VPS26A: variants seen among roughly 807,000 people sequenced by gnomAD.
The protein encoded by VPS26A is vacuolar protein sorting-associated protein 26A.
A neutral mutation model predicts 42.4 loss-of-function variants in VPS26A; 22 were observed. That is an observed-to-expected ratio of 0.52 (90% CI 0.37 to 0.74). The LOEUF (loss-of-function observed/expected upper bound fraction) is 0.74. Ranked by LOEUF, VPS26A falls within the 30% of genes least tolerant of loss-of-function variation. VPS26A has a pLI of 0.00. For missense variants in VPS26A, 276 were observed against 379.2 expected (o/e 0.73, Z 2.26); for synonymous variants, 110 against 123.5 (o/e 0.89, Z 0.73).
chr10:69,124,237 AAG>A lies in VPS26A; in HGVS notation c.-38_-37del, dbSNP rs548608208. 168 of 1,283,440 alleles carry A rather than the reference AAG, an allele frequency of 1.3e-4. 1 individual carries two copies. The African/African-American group carries it at 2.3e-3, about 18-fold the overall frequency. 79.5% of individuals were successfully genotyped at this position (1,283,440 alleles called of 1,614,324 possible). On this transcript the variant is annotated 5_prime_UTR_variant, in exon 1 of 9. Coordinates refer to ENST00000263559, the MANE Select transcript of VPS26A (RefSeq NM_004896.5). ...CCGGGGCTGGGAGTTCTCCTGAGGG[AAG>A]AGGAGTGGAGTAGGGGGGACGCGGC...
intron 5 of VPS26A, among the ~76,000 whole-genome samples, chr10:69,158,575 G>C (rs1841483863): frequency 6.6e-6 from 1 of 151,222 alleles, no homozygotes; most frequent in African/African-American, 2.4e-5. Flanking sequence ...ATGTCTCCTT[G>C]TATATCATTT....
chr10:69,127,363 C>G (rs1840680542), intron 1 of VPS26A, among the ~76,000 whole-genome samples: 1 of 151,404 alleles, frequency 6.6e-6, no homozygotes, highest in Non-Finnish European at 1.5e-5. Flanking sequence ...AGCATCCTGG[C>G]TAACACGGTG....
intron 6 of VPS26A, among the ~76,000 whole-genome samples, chr10:69,163,138 A>G (rs1480524720): frequency 6.6e-6 from 1 of 152,118 alleles, no homozygotes; most frequent in Non-Finnish European, 1.5e-5. Flanking sequence ...CATTTTATTG[A>G]TATACTAAAA....
At chr10:69,127,342 A>G (rs1840679979) in intron 1 of VPS26A, among the ~76,000 whole-genome samples, 1 of 151,262 alleles carries the variant, frequency 6.6e-6, no homozygotes, top group Non-Finnish European at 1.5e-5. Flanking sequence ...TCACGAGGTC[A>G]GGAGATCAAG....
chr10:69,157,141 A>T lies in VPS26A; in HGVS notation c.364A>T (p.Ile122Phe), dbSNP rs139473850. Residue 122 changes from isoleucine to phenylalanine, a missense_variant, in exon 4 of 9, where the codon ATC (isoleucine) becomes TTC (phenylalanine). Ile to Phe is a conservative substitution (Grantham distance 21, BLOSUM62 0). Transcript: ENST00000263559. Reference sequence around the variant, plus strand: ...AGTTGAAAAGCCATATGAATCTTACATCGGTGCCAATGTCCGCTTGAGGTA... The same window carrying T: ...AGTTGAAAAGCCATATGAATCTTACTTCGGTGCCAATGTCCGCTTGAGGTA... ...MQVEKPYESY[I>F]GANVRLRYFL... 1.9e-4 allele frequency: 305 copies of T among 1,612,850 alleles called. No homozygotes were observed. Among genetic ancestry groups the T allele is most frequent in the South Asian group, 5.4e-4 (49 of 90,986 alleles).
Position 69,133,052 on chromosome 10 carries a change from A to C in VPS26A, c.153+5A>C, listed in dbSNP as rs1416336958. On this transcript the variant is annotated splice_donor_5th_base_variant and intron_variant, in intron 2 of 8. Transcript: ENST00000263559. ...GGAGAATCCGTTTCAGGAAAGGTAA[A>C]TCTTCTGTTTGACAAAACTATCTAA... The C allele has an allele frequency of 6.2e-7, 1 of 1,605,764 alleles. No homozygotes were observed. The highest frequency in any genetic ancestry group is 1.1e-5 in the South Asian group (1 of 88,724).
At chr10:69,150,425 G>A (rs889716640) in intron 2 of VPS26A, among the ~76,000 whole-genome samples, 1 of 145,558 alleles carries the variant, frequency 6.9e-6, no homozygotes, top group Non-Finnish European at 1.5e-5. Context: ...TCTTTTTTGA[G>A]ATGGAGTGTC....
chr10:69,168,641 C>T lies in VPS26A; in HGVS notation c.870+10C>T, dbSNP rs1482517041. 2 of 1,612,020 alleles carry T rather than the reference C, an allele frequency of 1.2e-6. No individual in the cohort carries two copies. The highest frequency in any genetic ancestry group is 1.7e-6 in the Non-Finnish European group (2 of 1,179,128). On this transcript the variant is annotated intron_variant, in intron 8 of 8. Transcript: ENST00000263559. ...GTACTTCAAACAGCAGGTATGGTGC[C>T]ACTTGGGCTGGTATTATGTTCTGCG...
At chr10:69,142,219 T>C (rs1841060263) in intron 2 of VPS26A, among the ~76,000 whole-genome samples, 1 of 128,302 alleles carries the variant, frequency 7.8e-6, no homozygotes. Context: ...GGGGTCTCAC[T>C]GTGTTGCCCA....
intron 2 of VPS26A, among the ~76,000 whole-genome samples, chr10:69,138,149 A>G (rs889126480): frequency 6.6e-6 from 1 of 152,140 alleles, no homozygotes; most frequent in Non-Finnish European, 1.5e-5. Context: ...TCTTTCACTT[A>G]GTATAATGTA....
intron 7 of VPS26A, 131 bp downstream of exon 7, chr10:69,166,241 T>A (rs990767881): frequency 2.9e-4 from 237 of 809,836 alleles, no homozygotes; most frequent in Non-Finnish European, 4.2e-4. Flanking sequence ...GCTTTTAAGG[T>A]CATCTTTGTA....
At chr10:69,140,672 A>G (rs1841021163) in intron 2 of VPS26A, among the ~76,000 whole-genome samples, 2 of 152,200 alleles carry the variant, frequency 1.3e-5, no homozygotes, top group African/African-American at 4.8e-5. Context: ...GGTGTGAACC[A>G]CTGTGCCTGG....
At chr10:69,145,326 C>T (rs1028379741) in intron 2 of VPS26A, among the ~76,000 whole-genome samples, 4 of 152,180 alleles carry the variant, frequency 2.6e-5, no homozygotes, top group African/African-American at 9.7e-5. Flanking sequence ...TGAGCCACCA[C>T]ACCCGGCCTA....
At chr10:69,128,230 ATTTT>A (rs34855332) in intron 1 of VPS26A, among the ~76,000 whole-genome samples, 6 of 122,034 alleles carry the variant, frequency 4.9e-5, no homozygotes, top group African/African-American at 3.0e-5. Flanking sequence ...TTGGGATTTG[ATTTT>A]TTTTTTTTTT....
chr10:69,145,079 A>T (rs986330689), intron 2 of VPS26A, among the ~76,000 whole-genome samples: 1 of 152,098 alleles, frequency 6.6e-6, no homozygotes, highest in Non-Finnish European at 1.5e-5. Flanking sequence ...CTTGTTGCCC[A>T]GGCTGGAGTG....
chr10:69,150,973 C>T (rs1301573357), intron 2 of VPS26A, among the ~76,000 whole-genome samples: 1 of 151,772 alleles, frequency 6.6e-6, no homozygotes, highest in African/African-American at 2.4e-5. Context: ...GGTATTAAGA[C>T]TCTTGACATA....
At position 69,151,447 on chromosome 10, in the gene VPS26A, G is replaced by A. The variant is rs1331558333; in HGVS notation, c.154-4365G>A. Among the ~76,000 whole-genome samples the A allele has an allele frequency of 3.5e-3, 256 of 73,280 alleles. 1 individual carries two copies. The highest frequency in any genetic ancestry group is 0.017 in the African/African-American group (251 of 15,012). The allele number at this position is 73,280 out of a possible 152,430, so 48.1% of individuals were successfully genotyped here. A position where few individuals can be genotyped will look rare whatever the true frequency, so the allele number is the denominator to read the frequency against. Reference sequence around the variant, plus strand: ...AGCCTGGGCTACAGGGCGAGACTCCGTCTCAAAAAAAAAAAAAAAAAAAAA... The same window carrying A: ...AGCCTGGGCTACAGGGCGAGACTCCATCTCAAAAAAAAAAAAAAAAAAAAA... On this transcript the variant is annotated intron_variant, in intron 2 of 8. Transcript: ENST00000263559.
chr10:69,159,751 C>T (rs1356903194), intron 5 of VPS26A, among the ~76,000 whole-genome samples: 4 of 152,152 alleles, frequency 2.6e-5, no homozygotes, highest in African/African-American at 9.7e-5. Flanking sequence ...TCTTCATACA[C>T]CCAGACAGTA....
chr10:69,170,201 T>A (rs1841785990), intron 8 of VPS26A: 1 of 152,176 alleles, frequency 6.6e-6, no homozygotes. Context: ...TAATATAAAC[T>A]AACAGAATAC....
Sources: allele counts gnomAD v4.1 joint callset (sites outside exome capture counted in the v4.1 genomes callset), GRCh38; gene constraint gnomAD v4.1.1; transcripts MANE v1.5; gene names NCBI Gene and HGNC (gene_info 2026-07-23, HGNC 2026-07-21).